The following CXCL17 variants were observed in gnomAD, a reference collection of about 807,000 sequenced individuals.
The protein encoded by CXCL17 is C-X-C motif chemokine 17.
A neutral mutation model predicts 15.5 loss-of-function variants in CXCL17; 9 were observed. That is an observed-to-expected ratio of 0.58 (90% CI 0.35 to 1.01). The LOEUF is 1.01. Among genes scored for constraint, CXCL17 ranks in the 50% least tolerant of loss-of-function variants. The pLI is 0.02. For synonymous variants in CXCL17, 52 were observed against 52.3 expected (o/e 0.99, Z 0.02); for missense variants, 133 against 138.2 (o/e 0.96, Z 0.19).
chr19:42,433,880 T>A, intron 1 of CXCL17, 24 bp from the exon 2 acceptor site: 2 of 1,585,942 alleles, frequency 1.3e-6, no homozygotes, highest in South Asian at 2.2e-5. Context: ...ACAGGTCACA[T>A]CCAGACACTG....
chr19:42,428,895 G>A lies in CXCL17; in HGVS notation c.349C>T (p.Leu117=). ...LKQCQLRSFA[L]PL is the part of the protein sequence containing the mutation. ...GGCGCTCAGAGCTCCTACAAAGGCA[G>A]AGCAAAGCTTCTTAGCTGACATTGT... The change falls in exon 4 of 4, where the codon CTG becomes TTG. Residue 117 remains leucine (L), a synonymous_variant. Transcript: ENST00000601181. 3.1e-6 allele frequency: 5 copies of A among 1,613,728 alleles called. No homozygotes were observed. The highest frequency in any genetic ancestry group is 3.4e-6 in the Non-Finnish European group (4 of 1,179,596).
intron 2 of CXCL17, 27 bp downstream of exon 2, chr19:42,433,749 C>T (rs746862481): frequency 1.2e-5 from 19 of 1,592,772 alleles, no homozygotes; most frequent in South Asian, 4.4e-5. Flanking sequence ...GTGATGCCAT[C>T]GCTGTTGTTG....
At position 42,433,836 on chromosome 19, in the gene CXCL17, C is replaced by A. The variant is rs766369739; in HGVS notation, c.100G>T (p.Asp34Tyr). The A allele has an allele frequency of 6.2e-7, 1 of 1,613,922 alleles. No homozygotes were observed. Among genetic ancestry groups the A allele is most frequent in the East Asian group, 2.2e-5 (1 of 44,882 alleles). Residue 34 changes from aspartate to tyrosine, a missense_variant, in exon 2 of 4, where the codon GAC (aspartate) becomes TAC (tyrosine). Physicochemically the swap from Asp to Tyr is radical, Grantham distance 160. Transcript: ENST00000601181. ...CATCTCCTAGAAGCCTGGCCTCGGT[C>A]CCTGTGGCCTCTGGCGACCCCTGTC... ...LNPGVARGHR[D>Y]RGQASRRWLQ...
chr19:42,432,131 T>C (rs2147692872), intron 3 of CXCL17, among the ~76,000 whole-genome samples: 1 of 147,650 alleles, frequency 6.8e-6, no homozygotes, highest in South Asian at 2.1e-4. Flanking sequence ...GTTTAACATT[T>C]GCCAATTTAG....
Position 42,428,808 on chromosome 19 carries a change from G to T in CXCL17, c.*76C>A, listed in dbSNP as rs2040743494. The T allele has an allele frequency of 9.3e-7, 1 of 1,073,704 alleles. No homozygotes were observed. The highest frequency in any genetic ancestry group is 1.5e-6 in the Non-Finnish European group (1 of 688,600). 66.5% of individuals were successfully genotyped at this position (1,073,704 alleles called of 1,614,324 possible). A position where few individuals can be genotyped will look rare whatever the true frequency, so the allele number is the denominator to read the frequency against. On this transcript the variant is annotated 3_prime_UTR_variant, in exon 4 of 4. Transcript: ENST00000601181. ...ACAGTGGGAGAGTGAGGTGGGAGAA[G>T]AAGAGTGTCTGGTAGGTGTGCTCAC... is the stretch of plus-strand genomic sequence containing the variant.
chr19:42,436,603 G>A lies in CXCL17; in HGVS notation c.80-2747C>T, dbSNP rs542742581. 1.3e-4 allele frequency among the ~76,000 whole-genome samples: 20 copies of A among 151,680 alleles called. No homozygotes were observed. The East Asian group carries it at 3.7e-3, about 28-fold the overall frequency. On this transcript the variant is annotated intron_variant, in intron 1 of 3. Transcript: ENST00000601181. ...TTTGGCATATTTGTTACCTACATAT[G>A]CTTTTTATTAATATAGTGATAACCA... is the stretch of plus-strand genomic sequence containing the variant.
At position 42,442,748 on chromosome 19, in the gene CXCL17, G is replaced by A; in HGVS notation, c.79+6C>T. 1 of 1,606,442 alleles carries A rather than the reference G, an allele frequency of 6.2e-7. No homozygotes were observed. Among genetic ancestry groups the A allele is most frequent in the Non-Finnish European group, 8.5e-7 (1 of 1,174,322 alleles). ...CGTTTTCCCCTTCATAGACAGTCTT[G>A]TTTACCTGGATTCAGGCTGCTAGAG... On this transcript the variant is annotated splice_donor_region_variant and intron_variant, in intron 1 of 3. Coordinates refer to ENST00000601181, the MANE Select transcript of CXCL17 (RefSeq NM_198477.3).
At chr19:42,442,188 G>C (rs188338926) in intron 1 of CXCL17, among the ~76,000 whole-genome samples, 2 of 151,838 alleles carry the variant, frequency 1.3e-5, no homozygotes, top group Non-Finnish European at 2.9e-5. Context: ...TGTGTGAGGG[G>C]GATCAGCTAC....
intron 1 of CXCL17, among the ~76,000 whole-genome samples, chr19:42,434,493 A>G (rs1411533257): frequency 6.6e-6 from 1 of 152,070 alleles, no homozygotes; most frequent in Non-Finnish European, 1.5e-5. Context: ...TAGTGGTGCA[A>G]TCACGGCTCA....
Position 42,428,750 on chromosome 19 carries a change from T to G in CXCL17, c.*134A>C. ...ACAAAATGATCTTGAAAAACATGCT[T>G]TTTGAGAGCACTGGAATGATTTAGG... On this transcript the variant is annotated 3_prime_UTR_variant, in exon 4 of 4. Transcript: ENST00000601181. The G allele has an allele frequency of 1.4e-6, 1 of 713,286 alleles. No homozygotes were observed. Among genetic ancestry groups the G allele is most frequent in the Non-Finnish European group, 2.5e-6 (1 of 399,186 alleles). The allele number at this position is 713,286 out of a possible 1,614,324, so 44.2% of individuals were successfully genotyped here.
chr19:42,438,381 A>AAAAAATAT (rs1555793041), intron 1 of CXCL17, among the ~76,000 whole-genome samples: 23 of 63,844 alleles, frequency 3.6e-4, no homozygotes, highest in African/African-American at 9.1e-4. Flanking sequence ...AAAAAAAAAA[A>AAAAAATAT]ATATATATAT....
At chr19:42,441,209 C>T (rs1175975904) in intron 1 of CXCL17, among the ~76,000 whole-genome samples, 1 of 152,122 alleles carries the variant, frequency 6.6e-6, no homozygotes, top group Non-Finnish European at 1.5e-5. Context: ...GCAGGAAAGG[C>T]ACATGAAGGC....
At position 42,428,831 on chromosome 19, in the gene CXCL17, C is replaced by T. The variant is rs751749765; in HGVS notation, c.*53G>A. On this transcript the variant is annotated 3_prime_UTR_variant, in exon 4 of 4. Transcript: ENST00000601181. ...AAGAAGAGTGTCTGGTAGGTGTGCT[C>T]ACTGTCTTCTTGGCTGAGAATGTTT... 7.4e-7 allele frequency: 1 copy of T among 1,343,390 alleles called. No homozygotes were observed. Among genetic ancestry groups the T allele is most frequent in the African/African-American group, 1.4e-5 (1 of 69,604 alleles). The allele number at this position is 1,343,390 out of a possible 1,614,324, so 83.2% of individuals were successfully genotyped here. A position where few individuals can be genotyped will look rare whatever the true frequency, so the allele number is the denominator to read the frequency against.
chr19:42,437,659 T>G (rs2040846856), intron 1 of CXCL17, among the ~76,000 whole-genome samples: 1 of 152,202 alleles, frequency 6.6e-6, no homozygotes, highest in African/African-American at 2.4e-5. Flanking sequence ...ATTGTGTTTA[T>G]TGCTGTGGAA....
Position 42,433,889 on chromosome 19 carries a change from T to C in CXCL17, c.80-33A>G, listed in dbSNP as rs762489656. ...AAGGAAACAGGTCACATCCAGACAC[T>C]GGAAAGGGCACAGAAATGATCCTCC... On this transcript the variant is annotated intron_variant, in intron 1 of 3. Transcript: ENST00000601181. The C allele has an allele frequency of 1.4e-5, 22 of 1,533,474 alleles. 1 individual carries two copies. The South Asian group carries it at 2.5e-4, about 17-fold the overall frequency. 95.0% of individuals were successfully genotyped at this position (1,533,474 alleles called of 1,614,324 possible). A position where few individuals can be genotyped will look rare whatever the true frequency, so the allele number is the denominator to read the frequency against.
chr19:42,432,061 G>T (rs183200592), intron 3 of CXCL17, among the ~76,000 whole-genome samples: 2 of 150,484 alleles, frequency 1.3e-5, no homozygotes, highest in African/African-American at 4.9e-5. Flanking sequence ...TTTTACTTCC[G>T]TCAATAGTGT....
At chr19:42,438,721 A>T (rs2040862456) in intron 1 of CXCL17, among the ~76,000 whole-genome samples, 2 of 152,086 alleles carry the variant, frequency 1.3e-5, no homozygotes. Flanking sequence ...TAGCTGATCC[A>T]GGGCTGGGGC....
intron 1 of CXCL17, among the ~76,000 whole-genome samples, chr19:42,439,991 A>G (rs776290162): frequency 4.6e-5 from 7 of 152,218 alleles, no homozygotes; most frequent in Non-Finnish European, 1.0e-4. Flanking sequence ...TAATTGTATT[A>G]TGGTTACATA....
At chr19:42,431,309 A>T (rs1011255797) in intron 3 of CXCL17, among the ~76,000 whole-genome samples, 2 of 152,130 alleles carry the variant, frequency 1.3e-5, no homozygotes, top group African/African-American at 4.8e-5. Context: ...GCAATTCCTT[A>T]TATATGTATT....
Sources: allele counts gnomAD v4.1 joint callset (sites outside exome capture counted in the v4.1 genomes callset), GRCh38; gene constraint gnomAD v4.1.1; transcripts MANE v1.5; gene names NCBI Gene and HGNC (gene_info 2026-07-23, HGNC 2026-07-21).